Variants in SMG6 observed in about 807,000 individuals in gnomAD.
The protein encoded by SMG6 is SMG6 nonsense mediated mRNA decay factor.
A neutral mutation model predicts 142.2 loss-of-function variants in SMG6; 66 were observed. That is an observed-to-expected ratio of 0.46 (90% confidence interval 0.38 to 0.57). The LOEUF is 0.57. Ranked by LOEUF, SMG6 falls within the 20% of genes least tolerant of loss-of-function variation. The pLI, the probability that SMG6 is intolerant of heterozygous loss-of-function variation, is 0.00. For missense variants in SMG6, 1,793 were observed against 1,832.0 expected (o/e 0.98, Z 0.39); for synonymous variants, 779 against 702.4 (o/e 1.11, Z -1.72).
chr17:2,069,194 A>G (rs917525586), intron 15 of SMG6, among the ~76,000 whole-genome samples: 4 of 152,188 alleles, frequency 2.6e-5, no homozygotes, highest in African/African-American at 7.2e-5. Context: ...GATATTCAAC[A>G]TAACAGGTCT....
At chr17:2,210,832 C>A (rs1218809580) in intron 10 of SMG6, among the ~76,000 whole-genome samples, 1 of 149,982 alleles carries the variant, frequency 6.7e-6, no homozygotes, top group Non-Finnish European at 1.5e-5. Context: ...GCTTAACAAA[C>A]CCTTGTTAAC....
chr17:2,190,733 C>T (rs2072134878), intron 10 of SMG6, among the ~76,000 whole-genome samples: 1 of 152,120 alleles, frequency 6.6e-6, no homozygotes, highest in Non-Finnish European at 1.5e-5. Flanking sequence ...AGGGCAGCAG[C>T]TAGAAGGCAG....
intron 15 of SMG6, among the ~76,000 whole-genome samples, chr17:2,079,658 A>G (rs9899411): frequency 0.63 from 95,486 of 151,908 alleles, 30,348 homozygotes; most frequent in Middle Eastern, 0.7. Context: ...TGTTTTGAGG[A>G]TCATGCACAA....
At chr17:2,118,346 C>T (rs2069572325) in intron 13 of SMG6, among the ~76,000 whole-genome samples, 2 of 152,164 alleles carry the variant, frequency 1.3e-5, no homozygotes, top group Admixed American at 1.3e-4. Flanking sequence ...AGAGACCAGC[C>T]TGGCCAACAT....
chr17:2,096,381 A>G (rs1567594659), intron 13 of SMG6, among the ~76,000 whole-genome samples: 1 of 152,156 alleles, frequency 6.6e-6, no homozygotes, highest in Non-Finnish European at 1.5e-5. Context: ...GCTAATTTTC[A>G]TATTTTTAAT....
intron 13 of SMG6, among the ~76,000 whole-genome samples, chr17:2,160,232 T>C (rs2071133260): frequency 6.6e-6 from 1 of 152,170 alleles, no homozygotes; most frequent in Non-Finnish European, 1.5e-5. Context: ...TTTTAATTAA[T>C]TTTTTTGAGA....
Position 2,061,733 on chromosome 17 carries a change from T to C in SMG6, c.4130-111A>G, listed in dbSNP as rs2067786872. Reference sequence around the variant, plus strand: ...TGGGGAGGGGGTGCCACGCTAGCCGTGTCTTGGCTCTTCTACCAGTCCTTT... The same window carrying C: ...TGGGGAGGGGGTGCCACGCTAGCCGCGTCTTGGCTCTTCTACCAGTCCTTT... On this transcript the variant is annotated intron_variant, in intron 18 of 18. Coordinates refer to ENST00000263073, the MANE Select transcript of SMG6 (RefSeq NM_017575.5). 4 of 1,254,504 alleles carry C rather than the reference T, an allele frequency of 3.2e-6. No homozygotes were observed. In the African/African-American group the frequency reaches 5.9e-5, roughly 19 times the overall value. The allele number at this position is 1,254,504 out of a possible 1,614,324, so 77.7% of individuals were successfully genotyped here.
chr17:2,175,738 A>C (rs1280963627), intron 12 of SMG6, among the ~76,000 whole-genome samples: 3 of 152,216 alleles, frequency 2.0e-5, no homozygotes, highest in Non-Finnish European at 4.4e-5. Context: ...CCAACTCAGA[A>C]ATATAAATAA....
In SMG6 at chr17:2,093,063, G is replaced by A. The variant is rs372120224; in HGVS notation, c.3358-7162C>T. Among the ~76,000 whole-genome samples the A allele has an allele frequency of 1.8e-3, 279 of 152,056 alleles. 3 individuals are homozygous for A. Among genetic ancestry groups the A allele is most frequent in the African/African-American group, 6.0e-3 (249 of 41,464 alleles). On this transcript the variant is annotated intron_variant, in intron 13 of 18. Transcript: ENST00000263073. ...TACAAAAATTAGCTGGGTTAGTAGC[G>A]GGCTCCTGTAATTCCAGCTACTCAA...
chr17:2,182,091 G>C (rs2071823734), intron 12 of SMG6, among the ~76,000 whole-genome samples: 1 of 152,184 alleles, frequency 6.6e-6, no homozygotes, highest in South Asian at 2.1e-4. Context: ...CCCACCCTGA[G>C]AGTAAGGAAG....
intron 13 of SMG6, among the ~76,000 whole-genome samples, chr17:2,109,446 T>C (rs1438037814): frequency 6.6e-6 from 1 of 152,184 alleles, no homozygotes; most frequent in Non-Finnish European, 1.5e-5. Context: ...GTATTTTTAG[T>C]AGAGACAGGG....
At chr17:2,173,517 C>T (rs748665729) in intron 12 of SMG6, among the ~76,000 whole-genome samples, 2 of 152,176 alleles carry the variant, frequency 1.3e-5, no homozygotes, top group South Asian at 2.1e-4. Context: ...CCACACCTCT[C>T]CTTTCTCTCA....
In SMG6 at chr17:2,061,495, G is replaced by C; in HGVS notation, c.4257C>G (p.Gly1419=). 1 of 1,567,410 alleles carries C rather than the reference G, an allele frequency of 6.4e-7. No individual in the cohort carries two copies. Among genetic ancestry groups the C allele is most frequent in the South Asian group, 1.2e-5 (1 of 85,970 alleles). Residue 1419 remains glycine (G), a synonymous_variant, in exon 19 of 19, where the codon GGC becomes GGG. Coordinates refer to ENST00000263073, the MANE Select transcript of SMG6 (RefSeq NM_017575.5). The stretch of plus-strand genomic sequence containing the variant: ...GGGGGGCCCCAGTGTGGCTCCCTCA[G>C]CCCACCTGGGCCCACGTGAGGAAGG... ...IPAFLTWAQV[G] is the part of the protein sequence containing the mutation.
chr17:2,102,071 A>G (rs974521723), intron 13 of SMG6, among the ~76,000 whole-genome samples: 7 of 152,234 alleles, frequency 4.6e-5, no homozygotes, highest in Non-Finnish European at 8.8e-5. Flanking sequence ...TAGGACAAGC[A>G]GGGCCTAGTG....
In SMG6 at chr17:2,239,642, G is replaced by C. The variant is rs534760725; in HGVS notation, c.2724-3005C>G. ...AATTTTAACGGTGGAGTTATCTCTAGGTGGTAGGAATATGGGTAATTTTTT... is the reference window on the plus strand; with the variant it reads ...AATTTTAACGGTGGAGTTATCTCTACGTGGTAGGAATATGGGTAATTTTTT... On this transcript the variant is annotated intron_variant, in intron 9 of 18. Coordinates refer to ENST00000263073, the MANE Select transcript of SMG6 (RefSeq NM_017575.5). Among the ~76,000 whole-genome samples the C allele has an allele frequency of 2.4e-4, 37 of 152,220 alleles. No homozygotes were observed. The East Asian group carries it at 6.9e-3, about 29-fold the overall frequency.
chr17:2,272,403 A>C (rs1391666610), intron 8 of SMG6, among the ~76,000 whole-genome samples: 1 of 152,084 alleles, frequency 6.6e-6, no homozygotes, highest in Non-Finnish European at 1.5e-5. Flanking sequence ...TACCCAATAC[A>C]TACCTCCCTC....
chr17:2,119,007 C>A (rs1163071034), intron 13 of SMG6, among the ~76,000 whole-genome samples: 1 of 149,792 alleles, frequency 6.7e-6, no homozygotes, highest in African/African-American at 2.5e-5. Context: ...TCAAGCAATT[C>A]TCCTGCCTCA....
chr17:2,090,307 T>C (rs1398723649), intron 13 of SMG6, among the ~76,000 whole-genome samples: 2 of 134,836 alleles, frequency 1.5e-5, no homozygotes, highest in African/African-American at 2.8e-5. Context: ...GGGAGGGGGG[T>C]TGGGGAGAGA....
At chr17:2,142,433 C>T (rs1383067265) in intron 13 of SMG6, among the ~76,000 whole-genome samples, 1 of 151,978 alleles carries the variant, frequency 6.6e-6, no homozygotes, top group Non-Finnish European at 1.5e-5. Context: ...TCGCTGGAGC[C>T]CAGGAGTTCA....
Sources: gnomAD v4.1 joint callset for allele counts (sites outside exome capture counted in the v4.1 genomes callset) on GRCh38, gnomAD v4.1.1 for gene constraint, MANE v1.5 for transcripts, NCBI Gene and HGNC (gene_info 2026-07-23, HGNC 2026-07-21) for gene names.